Variants in DNAH12 observed in about 807,000 individuals in gnomAD.
DNAH12 encodes dynein axonemal heavy chain 12, also known as axonemal beta dynein heavy chain 12.
In DNAH12, 285 loss-of-function variants were observed where a neutral mutation model predicts 371.5. The observed-to-expected ratio is 0.77, with a 90% CI of 0.70 to 0.85. The LOEUF (loss-of-function observed/expected upper bound fraction) is 0.85. DNAH12 is among the 40% of genes least tolerant of loss of function. DNAH12 has a pLI of 0.00. For missense variants in DNAH12, 3,611 were observed against 3,689.4 expected, an observed-to-expected ratio of 0.98 and a Z score of 0.55; for synonymous variants, 1,200 against 1,213.0, an observed-to-expected ratio of 0.99 and a Z score of 0.22.
At chr3:57,327,269 C>G (rs1001819618) in intron 62 of DNAH12, among the ~76,000 whole-genome samples, 1 of 151,798 alleles carries the variant, frequency 6.6e-6, no homozygotes, top group Non-Finnish European at 1.5e-5. Context: ...TTTTTCAGCA[C>G]CACACTACAC....
Position 57,468,873 on chromosome 3 carries a change from G to T in DNAH12, c.2212C>A (p.Leu738Ile). The part of the protein sequence containing the change: ...FKTLKFFQTK[L>I]KKELQEKRKA... Reference sequence around the variant, plus strand: ...CTTTTTTCTTGTAATTCTTTCTTTAGCTTCGTTTGGAAAAATTTTAGTGTC... The same window carrying T: ...CTTTTTTCTTGTAATTCTTTCTTTATCTTCGTTTGGAAAAATTTTAGTGTC... The change falls in exon 17 of 74, where the codon CTA (leucine) becomes ATA (isoleucine). Residue 738 changes from leucine to isoleucine, a missense_variant. By Grantham distance (5) the Leu-to-Ile change is conservative (BLOSUM62 2). Around this residue, in one of 3 missense-constraint regions of DNAH12, gnomAD observed 1,314 missense variants for 1,398.7 expected, o/e 0.94. Transcript: ENST00000495027. The T allele has an allele frequency of 6.6e-7, 1 of 1,523,276 alleles. No individual in the cohort carries two copies. The allele number at this position is 1,523,276 out of a possible 1,614,324, so 94.4% of individuals were successfully genotyped here. A position where few individuals can be genotyped will look rare whatever the true frequency, so the allele number is the denominator to read the frequency against.
chr3:57,310,195 G>A (rs896824974), intron 67 of DNAH12, among the ~76,000 whole-genome samples: 1 of 152,108 alleles, frequency 6.6e-6, no homozygotes, highest in Non-Finnish European at 1.5e-5. Flanking sequence ...TCCCCCATAT[G>A]TTTCCTAATC....
chr3:57,525,919 G>T (rs1017562953), intron 2 of DNAH12, among the ~76,000 whole-genome samples: 1 of 151,602 alleles, frequency 6.6e-6, no homozygotes, highest in South Asian at 2.1e-4. Flanking sequence ...AGGCTACCAG[G>T]CCTGGCTAAT....
intron 69 of DNAH12, among the ~76,000 whole-genome samples, chr3:57,305,194 T>C (rs1383606576): frequency 1.3e-5 from 2 of 152,258 alleles, no homozygotes; most frequent in East Asian, 3.9e-4. Flanking sequence ...CTTTTACACA[T>C]TGTTCCCTCC....
intron 73 of DNAH12, 132 bp downstream of exon 73, chr3:57,295,393 T>A (rs977357791): frequency 1.6e-6 from 1 of 611,518 alleles, no homozygotes; most frequent in African/African-American, 1.9e-5. Flanking sequence ...AATGTAAATG[T>A]TCTATTAATG....
intron 45 of DNAH12, among the ~76,000 whole-genome samples, chr3:57,391,050 T>A (rs1372302992): frequency 1.3e-5 from 2 of 152,158 alleles, no homozygotes; most frequent in Non-Finnish European, 2.9e-5. Flanking sequence ...CCCACCCTTC[T>A]CCTTTTCCAA....
intron 64 of DNAH12, 84 bp from the exon 65 acceptor site, chr3:57,322,567 G>A (rs2061832537): frequency 2.2e-6 from 3 of 1,382,426 alleles, no homozygotes; most frequent in Non-Finnish European, 2.9e-6. Flanking sequence ...TAAAAAACAG[G>A]CATAATGGAG....
rs1316360767 is a variant in DNAH12, at chr3:57,385,008, A to G, written c.7684-3T>C. ...TGTACAGACTCTATCTCAATAACCT[A>G]AAGAGGTGAAAGATGAAGACAATTT... On this transcript the variant is annotated splice_region_variant and splice_polypyrimidine_tract_variant and intron_variant, in intron 48 of 73. Transcript: ENST00000495027. 1 of 152,222 alleles carries G rather than the reference A, an allele frequency of 6.6e-6. No homozygotes were observed. The highest frequency in any genetic ancestry group is 6.5e-5 in the Admixed American group (1 of 15,276). 9.4% of individuals were successfully genotyped at this position (152,222 alleles called of 1,614,324 possible). A position where few individuals can be genotyped will look rare whatever the true frequency, so the allele number is the denominator to read the frequency against.
intron 49 of DNAH12, among the ~76,000 whole-genome samples, 195 bp from the exon 50 acceptor site, chr3:57,382,588 A>G (rs978500881): frequency 2.2e-4 from 33 of 152,082 alleles, no homozygotes; most frequent in Non-Finnish European, 1.5e-4. Context: ...ATTAAGACTA[A>G]TGGTTCTCAA....
chr3:57,459,119 C>T (rs1211348512), intron 20 of DNAH12, among the ~76,000 whole-genome samples: 1 of 152,176 alleles, frequency 6.6e-6, no homozygotes, highest in East Asian at 1.9e-4. Flanking sequence ...TGTCTTTCAA[C>T]ATTTACTGGG....
intron 58 of DNAH12, among the ~76,000 whole-genome samples, chr3:57,361,275 G>A (rs1371520938): frequency 5.9e-5 from 9 of 151,440 alleles, no homozygotes; most frequent in African/African-American, 1.7e-4. Flanking sequence ...CCTTGAACCC[G>A]GAGGTGGATG....
chr3:57,426,828 G>GAAAAAAAA (rs559705189), intron 34 of DNAH12, among the ~76,000 whole-genome samples: 2 of 92,962 alleles, frequency 2.2e-5, no homozygotes, highest in Non-Finnish European at 4.5e-5. Context: ...GACTGTCTCA[G>GAAAAAAAA]AAAAAAAAAA....
At chr3:57,358,139 C>T (rs2062842837) in intron 58 of DNAH12, among the ~76,000 whole-genome samples, 1 of 152,088 alleles carries the variant, frequency 6.6e-6, no homozygotes, top group Non-Finnish European at 1.5e-5. Flanking sequence ...CTGTTTGTTG[C>T]TAATTTAATC....
intron 39 of DNAH12, among the ~76,000 whole-genome samples, chr3:57,413,131 T>C (rs1489861505): frequency 2.0e-5 from 3 of 152,160 alleles, no homozygotes; most frequent in Non-Finnish European, 4.4e-5. Flanking sequence ...TATCAAGCCA[T>C]GAGAAGATAT....
At chr3:57,518,077 A>G (rs2153396518) in intron 4 of DNAH12, among the ~76,000 whole-genome samples, 1 of 152,226 alleles carries the variant, frequency 6.6e-6, no homozygotes, top group East Asian at 1.9e-4. Context: ...CATAAAAAAA[A>G]AAACTTTCTA....
At chr3:57,309,311 A>C in intron 68 of DNAH12, 57 bp from the exon 69 acceptor site, 1 of 1,342,606 alleles carries the variant, frequency 7.4e-7, no homozygotes, top group Non-Finnish European at 1.0e-6. Context: ...AATTAGCTTA[A>C]TTCAGCCATT....
At chr3:57,444,212 A>T (rs762084404) in intron 29 of DNAH12, among the ~76,000 whole-genome samples, 34 of 151,752 alleles carry the variant, frequency 2.2e-4, no homozygotes, top group African/African-American at 6.5e-4. Flanking sequence ...AAAAAATAAT[A>T]ATTATTATAA....
At chr3:57,386,981 A>G (rs2063510345) in intron 46 of DNAH12, 105 bp downstream of exon 46, 1 of 152,246 alleles carries the variant, frequency 6.6e-6, no homozygotes, top group Non-Finnish European at 1.5e-5. Context: ...GGTTAAGTAC[A>G]GTAGGAAAGG....
At chr3:57,421,923 T>TTTA (rs2064598343) in intron 35 of DNAH12, among the ~76,000 whole-genome samples, 1 of 146,852 alleles carries the variant, frequency 6.8e-6, no homozygotes, top group African/African-American at 2.6e-5. Flanking sequence ...TTTTTTTTTT[T>TTTA]GAGACAGCGC....
Sources: allele counts gnomAD v4.1 joint callset (sites outside exome capture counted in the v4.1 genomes callset), GRCh38; gene constraint gnomAD v4.1.1; regional missense constraint gnomAD v4.1.1; transcripts MANE v1.5; gene names NCBI Gene and HGNC (gene_info 2026-07-23, HGNC 2026-07-21).